The following ZYG11B variants were observed in gnomAD, a reference collection of about 807,000 sequenced individuals.
ZYG11B encodes the protein protein zyg-11 homolog B.
In ZYG11B, 36 loss-of-function variants were observed where a neutral mutation model predicts 82.4. The ratio of observed to expected loss-of-function variants is 0.44; its 90% CI spans 0.33 to 0.58. The LOEUF is 0.58. ZYG11B is among the 20% of genes least tolerant of loss of function. The probability of loss-of-function intolerance (pLI) is 0.02; values close to 1 mark genes in which losing one functional copy is unlikely to be tolerated. For synonymous variants in ZYG11B, 303 were observed against 312.8 expected (o/e 0.97, Z 0.33); for missense variants, 552 against 895.6 (o/e 0.62, Z 4.90).
chr1:52,802,641 T>C (rs2448792), intron 10 of ZYG11B, among the ~76,000 whole-genome samples: 89,716 of 151,340 alleles, frequency 0.59, 29,315 homozygotes, highest in East Asian at 0.97. Flanking sequence ...ATGAGCTGCC[T>C]GGTCAGCAGT....
rs1553256668 is a variant in ZYG11B at position 52,726,498 on chromosome 1, G to GCTGCGGCTGCTA, written c.-152_-151insGGCTGCTACTGC. 19 of 628,332 alleles carry GCTGCGGCTGCTA rather than the reference G, an allele frequency of 3.0e-5. No homozygotes were observed. Among genetic ancestry groups the GCTGCGGCTGCTA allele is most frequent in the African/African-American group, 1.2e-4 (6 of 51,748 alleles). 38.9% of individuals were successfully genotyped at this position (628,332 alleles called of 1,614,324 possible). On this transcript the variant is annotated 5_prime_UTR_variant, in exon 1 of 14. Transcript: ENST00000294353. ...GGCTGCGGCTGCGGCTGCGGCTGCG[G>GCTGCGGCTGCTA]CTGCTACTGCTACGCTCCTAGCTTG...
intron 10 of ZYG11B, among the ~76,000 whole-genome samples, chr1:52,803,237 TATACACACACAC>T (rs1558140579): frequency 0.013 from 877 of 68,464 alleles, 40 homozygotes; most frequent in East Asian, 0.02. Context: ...CACATATATA[TATACACACACAC>T]ATATATATAT....
intron 1 of ZYG11B, among the ~76,000 whole-genome samples, chr1:52,744,353 A>G (rs778052389): frequency 7.9e-5 from 12 of 152,206 alleles, no homozygotes; most frequent in Middle Eastern, 3.2e-3. Context: ...TACCACCTCT[A>G]TGATCACACA....
intron 2 of ZYG11B, among the ~76,000 whole-genome samples, chr1:52,768,066 A>G (rs187202728): frequency 6.6e-6 from 1 of 152,286 alleles, no homozygotes; most frequent in African/African-American, 2.4e-5. Flanking sequence ...GTAGAAATCT[A>G]GGCCCCTATT....
intron 1 of ZYG11B, among the ~76,000 whole-genome samples, chr1:52,738,785 AATT>A (rs1644398530): frequency 6.6e-6 from 1 of 150,972 alleles, no homozygotes; most frequent in Admixed American, 6.6e-5. Flanking sequence ...ACACCTGGCT[AATT>A]TTGTATTTTT....
chr1:52,743,391 T>A, intron 1 of ZYG11B, among the ~76,000 whole-genome samples: 3 of 50,188 alleles, frequency 6.0e-5, no homozygotes, highest in East Asian at 4.3e-4. Context: ...CCAAGAATGA[T>A]CAATAAATAC....
At chr1:52,816,739 T>A in intron 13 of ZYG11B, 110 bp downstream of exon 13, 2 of 757,784 alleles carry the variant, frequency 2.6e-6, no homozygotes, top group Admixed American at 5.7e-5. Flanking sequence ...GAACACTGAC[T>A]TAAAATGTAA....
At chr1:52,765,146 CA>C (rs1218564425) in intron 2 of ZYG11B, among the ~76,000 whole-genome samples, 2 of 151,738 alleles carry the variant, frequency 1.3e-5, no homozygotes, top group East Asian at 3.9e-4. Flanking sequence ...CTTGGCCTCC[CA>C]AAGTGCTAGG....
At chr1:52,746,051 C>G (rs754466315) in intron 1 of ZYG11B, among the ~76,000 whole-genome samples, 8 of 151,530 alleles carry the variant, frequency 5.3e-5, no homozygotes, top group Non-Finnish European at 8.8e-5. Context: ...ACCTCCACCT[C>G]CTGGGTTCAA....
chr1:52,738,981 T>C (rs1263785742), intron 1 of ZYG11B, among the ~76,000 whole-genome samples: 3 of 119,954 alleles, frequency 2.5e-5, no homozygotes, highest in Admixed American at 1.8e-4. Context: ...ATAGGCCCTG[T>C]AACCTTTTTT....
intron 8 of ZYG11B, among the ~76,000 whole-genome samples, chr1:52,799,486 CAA>C (rs57224108): frequency 8.8e-6 from 1 of 114,158 alleles, no homozygotes. Flanking sequence ...GGCTCTGTCT[CAA>C]AAAAAAAAAA....
At chr1:52,803,251 T>TATATATATATATATACACACACACACAC (rs1558140651) in intron 10 of ZYG11B, among the ~76,000 whole-genome samples, 2 of 62,786 alleles carry the variant, frequency 3.2e-5, no homozygotes, top group Non-Finnish European at 5.1e-5. Context: ...CACACACACA[T>TATATATATATATATACACACACACACAC]ATATATATAT....
chr1:52,727,499 A>AT (rs914100601), intron 1 of ZYG11B, among the ~76,000 whole-genome samples: 27 of 152,102 alleles, frequency 1.8e-4, no homozygotes, highest in East Asian at 5.8e-4. Context: ...AATGTTTTGA[A>AT]TTTTTTTTAT....
intron 2 of ZYG11B, among the ~76,000 whole-genome samples, chr1:52,768,691 T>C (rs1644720622): frequency 6.6e-6 from 1 of 151,154 alleles, no homozygotes; most frequent in Non-Finnish European, 1.5e-5. Context: ...GCCTCCCAAG[T>C]TCGAGTGATT....
At chr1:52,788,030 A>G (rs1454418859) in intron 5 of ZYG11B, among the ~76,000 whole-genome samples, 1 of 152,144 alleles carries the variant, frequency 6.6e-6, no homozygotes, top group Non-Finnish European at 1.5e-5. Context: ...AAGCAGAAAA[A>G]CAGTGGACCT....
intron 12 of ZYG11B, among the ~76,000 whole-genome samples, chr1:52,815,031 A>G (rs889428346): frequency 2.0e-5 from 3 of 152,022 alleles, no homozygotes; most frequent in Non-Finnish European, 4.4e-5. Context: ...GGTGGTGCAC[A>G]CCTGTAATTC....
intron 10 of ZYG11B, 144 bp downstream of exon 10, chr1:52,802,283 A>AT: frequency 1.7e-6 from 1 of 597,422 alleles, no homozygotes; most frequent in Non-Finnish European, 2.9e-6. Flanking sequence ...ACTATTCCCA[A>AT]TACCTCACCA....
intron 2 of ZYG11B, among the ~76,000 whole-genome samples, chr1:52,769,076 T>C (rs534064426): frequency 6.6e-5 from 10 of 152,208 alleles, no homozygotes; most frequent in Non-Finnish European, 8.8e-5. Context: ...GTTATGGCTG[T>C]TTGTGTCTTT....
At chr1:52,755,488 A>T (rs1268421978) in intron 1 of ZYG11B, among the ~76,000 whole-genome samples, 1 of 151,934 alleles carries the variant, frequency 6.6e-6, no homozygotes, top group Non-Finnish European at 1.5e-5. Context: ...TATGAATCTT[A>T]GGATAAGCTT....
Sources: allele counts gnomAD v4.1 joint callset (sites outside exome capture counted in the v4.1 genomes callset), GRCh38; gene constraint gnomAD v4.1.1; transcripts MANE v1.5; gene names NCBI Gene and HGNC (gene_info 2026-07-23, HGNC 2026-07-21).